Variants in SRPK2 observed in about 807,000 individuals in gnomAD.
The protein encoded by SRPK2 is SRSF protein kinase 2, also known as SFRS protein kinase 2.
A neutral mutation model predicts 90.8 loss-of-function variants in SRPK2; 21 were observed. The observed-to-expected ratio is 0.23, with a 90% CI of 0.16 to 0.33. The LOEUF is 0.33. SRPK2 is among the 10% of genes least tolerant of loss of function. SRPK2 has a pLI of 1.00. For synonymous variants in SRPK2, 288 were observed against 311.1 expected (o/e 0.93, Z 0.78); for missense variants, 620 against 869.0 (o/e 0.71, Z 3.60).
At chr7:105,190,704 C>A (rs1182700245) in intron 3 of SRPK2, among the ~76,000 whole-genome samples, 3 of 152,128 alleles carry the variant, frequency 2.0e-5, no homozygotes, top group African/African-American at 7.2e-5. Flanking sequence ...GATCTCTATG[C>A]CCTTGGAAGG....
At chr7:105,379,148 TA>T (rs953287542) in intron 2 of SRPK2, among the ~76,000 whole-genome samples, 2 of 149,008 alleles carry the variant, frequency 1.3e-5, no homozygotes, top group Non-Finnish European at 1.5e-5. Flanking sequence ...ACCCAGTCTC[TA>T]AAAAAAAATA....
intron 2 of SRPK2, among the ~76,000 whole-genome samples, chr7:105,224,439 G>A (rs778605528): frequency 9.2e-5 from 14 of 151,968 alleles, no homozygotes; most frequent in South Asian, 6.2e-4. Context: ...GTGAAACTCC[G>A]TCTCTACTAA....
At chr7:105,145,107 CAAAA>C (rs10718877) in intron 9 of SRPK2, among the ~76,000 whole-genome samples, 172 bp downstream of exon 9, 2 of 107,180 alleles carry the variant, frequency 1.9e-5, no homozygotes, top group Non-Finnish European at 2.0e-5. Context: ...ACTCAGTTTT[CAAAA>C]AAAAAAAAAA....
chr7:105,135,973 C>T (rs1290942040), intron 11 of SRPK2, among the ~76,000 whole-genome samples: 1 of 152,108 alleles, frequency 6.6e-6, no homozygotes, highest in Non-Finnish European at 1.5e-5. Flanking sequence ...CCATGTTGGC[C>T]AGGCTGGTCT....
intron 2 of SRPK2, chr7:105,297,613 G>A (rs536321725): frequency 1.0e-3 from 438 of 433,068 alleles, no homozygotes; most frequent in Admixed American, 2.7e-3. Flanking sequence ...GGTCTTCCGA[G>A]ATTATCACAA....
intron 2 of SRPK2, among the ~76,000 whole-genome samples, chr7:105,276,819 A>G (rs995035351): frequency 6.6e-6 from 1 of 152,188 alleles, no homozygotes; most frequent in Non-Finnish European, 1.5e-5. Flanking sequence ...GTTAAGAGGA[A>G]AATGCCTCAG....
At chr7:105,277,555 G>A (rs145121491) in intron 2 of SRPK2, among the ~76,000 whole-genome samples, 552 of 152,326 alleles carry the variant, frequency 3.6e-3, no homozygotes, top group Non-Finnish European at 6.0e-3. Flanking sequence ...ATTCCTCTGC[G>A]TAATCTAGGA....
At chr7:105,195,298 C>T (rs1794781109) in intron 3 of SRPK2, among the ~76,000 whole-genome samples, 1 of 152,226 alleles carries the variant, frequency 6.6e-6, no homozygotes, top group East Asian at 1.9e-4. Context: ...ATCTGCCCAC[C>T]TCGGCCTCCC....
chr7:105,214,927 C>T (rs73186016), intron 2 of SRPK2, among the ~76,000 whole-genome samples: 1,593 of 152,278 alleles, frequency 0.01, 17 homozygotes, highest in Middle Eastern at 0.024. Context: ...GGGATTCGCA[C>T]TTTCCAATTT....
chr7:105,362,707 A>G (rs1818576904), intron 2 of SRPK2, among the ~76,000 whole-genome samples: 1 of 152,152 alleles, frequency 6.6e-6, no homozygotes, highest in South Asian at 2.1e-4. Context: ...TATATACCCA[A>G]AGGATTATAA....
At position 105,212,516 on chromosome 7, in the gene SRPK2, G is replaced by A. The variant is rs139598905; in HGVS notation, c.72-8731C>T. ...AAAGCACAGAGGCCCAAACTAATCT[G>A]GTATGACTGGAGAGAGGAAAGAGGT... On this transcript the variant is annotated intron_variant, in intron 2 of 15. Transcript: ENST00000393651. Among the ~76,000 whole-genome samples, 198 of 152,180 alleles carry A rather than the reference G, an allele frequency of 1.3e-3. 1 individual carries two copies. Among genetic ancestry groups the A allele is most frequent in the African/African-American group, 4.4e-3 (184 of 41,508 alleles).
intron 2 of SRPK2, among the ~76,000 whole-genome samples, chr7:105,210,349 CCTATAT>C (rs1423317050): frequency 2.0e-5 from 3 of 152,216 alleles, no homozygotes; most frequent in Non-Finnish European, 4.4e-5. Context: ...CTATGTCCAC[CCTATAT>C]CTATAACTTT....
intron 3 of SRPK2, among the ~76,000 whole-genome samples, chr7:105,183,678 G>A (rs77499081): frequency 0.041 from 6,187 of 151,822 alleles, 445 homozygotes; most frequent in African/African-American, 0.14. Flanking sequence ...TAGTAAAGAT[G>A]GGGTTTTCAC....
intron 2 of SRPK2, among the ~76,000 whole-genome samples, chr7:105,309,236 A>G (rs1034253575): frequency 7.1e-6 from 1 of 141,056 alleles, no homozygotes; most frequent in African/African-American, 2.8e-5. Flanking sequence ...AGGTTACAAG[A>G]AAAAAAAAAA....
intron 2 of SRPK2, among the ~76,000 whole-genome samples, chr7:105,239,278 T>C (rs1800510423): frequency 6.6e-6 from 1 of 152,252 alleles, no homozygotes; most frequent in Non-Finnish European, 1.5e-5. Flanking sequence ...ACCTAAAATT[T>C]TTATGAAAAA....
chr7:105,227,521 T>C (rs1482902374), intron 2 of SRPK2, among the ~76,000 whole-genome samples: 1 of 152,074 alleles, frequency 6.6e-6, no homozygotes, highest in South Asian at 2.1e-4. Flanking sequence ...AAATCCAAAC[T>C]ACAATGAAAT....
rs1482902374 is a variant in SRPK2, at chr7:105,227,521, T to G, written c.72-23736A>C. Among the ~76,000 whole-genome samples, 3 of 152,196 alleles carry G rather than the reference T, an allele frequency of 2.0e-5. No individual in the cohort carries two copies. The East Asian group carries it at 5.8e-4, about 29-fold the overall frequency. ...CCATCAGAGAAATGCAAATCCAAAC[T>G]ACAATGAAATACCACTTCATGTCCA... is the stretch of plus-strand genomic sequence containing the variant. On this transcript the variant is annotated intron_variant, in intron 2 of 15. Coordinates refer to ENST00000393651, the MANE Select transcript of SRPK2 (RefSeq NM_182692.3).
chr7:105,253,196 T>G (rs1585373165), intron 2 of SRPK2, among the ~76,000 whole-genome samples: 2 of 152,190 alleles, frequency 1.3e-5, no homozygotes, highest in East Asian at 3.8e-4. Context: ...ATACCCCCAG[T>G]GTCAAGGAAT....
In SRPK2 at chr7:105,221,897, A is replaced by G. The variant is rs542827353; in HGVS notation, c.72-18112T>C. ...CAAACTAATTCTTTACAGCCCTAGTATCCACAGATAAACCAAAATAACTCC... is the reference window on the plus strand; with the variant it reads ...CAAACTAATTCTTTACAGCCCTAGTGTCCACAGATAAACCAAAATAACTCC... On this transcript the variant is annotated intron_variant, in intron 2 of 15. Transcript: ENST00000393651. 2.0e-5 allele frequency among the ~76,000 whole-genome samples: 3 copies of G among 152,366 alleles called. No individual in the cohort carries two copies. The East Asian group carries it at 5.8e-4, about 29-fold the overall frequency.
Sources: allele counts gnomAD v4.1 joint callset (sites outside exome capture counted in the v4.1 genomes callset), GRCh38; gene constraint gnomAD v4.1.1; transcripts MANE v1.5; gene names NCBI Gene and HGNC (gene_info 2026-07-23, HGNC 2026-07-21).